The following CAMK4 variants were observed in gnomAD, a reference collection of about 807,000 sequenced individuals.
The protein encoded by CAMK4 is calcium/calmodulin-dependent protein kinase type IV.
CAMK4 carries 22 observed loss-of-function variants against 44.9 expected under a neutral mutation model. That is an observed-to-expected ratio of 0.49 (90% CI 0.35 to 0.70). CAMK4 has a LOEUF of 0.70. Ranked by LOEUF, CAMK4 falls within the 30% of genes least tolerant of loss-of-function variation. The pLI is 0.01. For synonymous variants in CAMK4, 218 were observed against 215.4 expected (o/e 1.01, Z -0.11); for missense variants, 498 against 586.8 (o/e 0.85, Z 1.56).
chr5:111,355,858 T>C (rs1181520326), intron 2 of CAMK4, among the ~76,000 whole-genome samples: 2 of 141,884 alleles, frequency 1.4e-5, no homozygotes, highest in African/African-American at 5.2e-5. Flanking sequence ...CTGCATAGTA[T>C]TCCATGGTGT....
intron 5 of CAMK4, among the ~76,000 whole-genome samples, chr5:111,415,398 T>G (rs977402047): frequency 6.6e-6 from 1 of 152,194 alleles, no homozygotes; most frequent in Non-Finnish European, 1.5e-5. Context: ...GTCCCCAAAG[T>G]ACAAGAGTAG....
intron 2 of CAMK4, chr5:111,365,081 C>G (rs1003481400): frequency 6.6e-6 from 1 of 152,146 alleles, no homozygotes; most frequent in Non-Finnish European, 1.5e-5. Context: ...AGACAGAGTA[C>G]TATCAAGTGC....
chr5:111,280,082 G>A (rs114058786), intron 1 of CAMK4, among the ~76,000 whole-genome samples: 2,358 of 152,230 alleles, frequency 0.015, 30 homozygotes, highest in Non-Finnish European at 0.02. Context: ...AACATTGGAA[G>A]GCAGTTTTCA....
intron 6 of CAMK4, among the ~76,000 whole-genome samples, chr5:111,448,060 T>A (rs1754089894): frequency 6.6e-6 from 1 of 152,244 alleles, no homozygotes; most frequent in Non-Finnish European, 1.5e-5. Flanking sequence ...TGTGGGTTTA[T>A]CTTTGAAGTC....
chr5:111,256,291 G>A (rs1481766169), intron 1 of CAMK4, among the ~76,000 whole-genome samples: 2 of 152,128 alleles, frequency 1.3e-5, no homozygotes, highest in African/African-American at 4.8e-5. Flanking sequence ...GCTATGGTGG[G>A]GTGGAATTGG....
At chr5:111,315,448 C>T (rs1748378687) in intron 1 of CAMK4, among the ~76,000 whole-genome samples, 2 of 152,054 alleles carry the variant, frequency 1.3e-5, no homozygotes, top group South Asian at 4.1e-4. Flanking sequence ...TAGTTTTCAC[C>T]TGGTATTCTG....
intron 5 of CAMK4, among the ~76,000 whole-genome samples, chr5:111,434,863 C>A (rs766715165): frequency 6.6e-6 from 1 of 152,106 alleles, no homozygotes; most frequent in Non-Finnish European, 1.5e-5. Context: ...ATACTGTTTT[C>A]TTTCTGTAAT....
intron 1 of CAMK4, among the ~76,000 whole-genome samples, chr5:111,340,790 A>C (rs1358808476): frequency 2.7e-5 from 4 of 150,840 alleles, no homozygotes; most frequent in African/African-American, 9.7e-5. Flanking sequence ...AGTTTTTTTT[A>C]ATGTTTGGTA....
At chr5:111,274,272 CCTTAA>C (rs1262749746) in intron 1 of CAMK4, among the ~76,000 whole-genome samples, 12 of 152,100 alleles carry the variant, frequency 7.9e-5, no homozygotes, top group East Asian at 7.7e-4. Context: ...CTCTGTTTCC[CCTTAA>C]CTTGTTTTAT....
At chr5:111,426,352 A>G (rs1753225882) in intron 5 of CAMK4, among the ~76,000 whole-genome samples, 1 of 152,228 alleles carries the variant, frequency 6.6e-6, no homozygotes, top group Admixed American at 6.5e-5. Context: ...GATGGGTGAT[A>G]ACAATACAGT....
intron 1 of CAMK4, among the ~76,000 whole-genome samples, chr5:111,276,317 C>T (rs567478274): frequency 1.3e-5 from 2 of 152,292 alleles, no homozygotes; most frequent in South Asian, 4.1e-4. Flanking sequence ...CTGTGGGCCA[C>T]CTCTACTCCT....
chr5:111,472,444 C>T (rs571909331), intron 7 of CAMK4, among the ~76,000 whole-genome samples: 2 of 152,320 alleles, frequency 1.3e-5, no homozygotes, highest in South Asian at 4.1e-4. Flanking sequence ...CTCTATTTCT[C>T]CATAGATGGT....
intron 1 of CAMK4, among the ~76,000 whole-genome samples, chr5:111,330,394 T>G (rs555929139): frequency 2.6e-5 from 4 of 151,744 alleles, no homozygotes; most frequent in Admixed American, 2.0e-4. Flanking sequence ...GGACTCAACA[T>G]TAAGATGTCA....
rs147314166 is a variant in CAMK4, at chr5:111,309,408, C to T, written c.162-34616C>T. On this transcript the variant is annotated intron_variant, in intron 1 of 10. Coordinates refer to ENST00000282356, the MANE Select transcript of CAMK4 (RefSeq NM_001744.6). ...TCAGGTGTCTGGGATCAACACCCCA[C>T]TCCCTCTCAAGGAGCCCTGGCCACT... Among the ~76,000 whole-genome samples the T allele has an allele frequency of 2.2e-4, 34 of 152,262 alleles. No individual in the cohort carries two copies. The East Asian group carries it at 5.8e-3, about 26-fold the overall frequency.
intron 7 of CAMK4, among the ~76,000 whole-genome samples, chr5:111,459,695 T>C (rs1463022235): frequency 3.7e-5 from 5 of 135,344 alleles, no homozygotes; most frequent in African/African-American, 1.1e-4. Context: ...TCTTTTTTTT[T>C]TTTTTTTTTT....
intron 7 of CAMK4, among the ~76,000 whole-genome samples, chr5:111,471,483 A>T (rs904351620): frequency 6.6e-6 from 1 of 152,202 alleles, no homozygotes; most frequent in Admixed American, 6.5e-5. Context: ...ATAAAGCCTC[A>T]GTGATTTCGC....
Position 111,365,936 on chromosome 5 carries a change from G to A in CAMK4, c.241-8914G>A, listed in dbSNP as rs73214491. 1.6e-3 allele frequency among the ~76,000 whole-genome samples: 245 copies of A among 152,184 alleles called. 2 individuals are homozygous for A. The highest frequency in any genetic ancestry group is 5.5e-3 in the African/African-American group (229 of 41,546). On this transcript the variant is annotated intron_variant, in intron 2 of 10. Coordinates refer to ENST00000282356, the MANE Select transcript of CAMK4 (RefSeq NM_001744.6). Reference sequence around the variant, plus strand: ...AGTTCTTAGCTTTCAAATTCTTGTAGACTAAAACTGTCATTCTTGAATTTA... The same window carrying A: ...AGTTCTTAGCTTTCAAATTCTTGTAAACTAAAACTGTCATTCTTGAATTTA...
intron 2 of CAMK4, among the ~76,000 whole-genome samples, chr5:111,356,494 G>A (rs1227295463): frequency 6.6e-6 from 1 of 152,240 alleles, no homozygotes; most frequent in Non-Finnish European, 1.5e-5. Context: ...CTGTGCAGAA[G>A]CTCTTTAGTT....
Position 111,293,469 on chromosome 5 carries a change from C to T in CAMK4, c.162-50555C>T, listed in dbSNP as rs1485811808. On this transcript the variant is annotated intron_variant, in intron 1 of 10. Coordinates refer to ENST00000282356, the MANE Select transcript of CAMK4 (RefSeq NM_001744.6). ...TGAGATGGAGTCTCATCCTGTTGCC[C>T]AGGCTGGAGTGCAATGGCGTGATCT... is the stretch of plus-strand genomic sequence containing the variant. 2.0e-5 allele frequency among the ~76,000 whole-genome samples: 3 copies of T among 151,852 alleles called. No individual in the cohort carries two copies. In the East Asian group the frequency reaches 5.8e-4, roughly 29 times the overall value.
Sources: gnomAD v4.1 joint callset for allele counts (sites outside exome capture counted in the v4.1 genomes callset) on GRCh38, gnomAD v4.1.1 for gene constraint, MANE v1.5 for transcripts, NCBI Gene and HGNC (gene_info 2026-07-23, HGNC 2026-07-21) for gene names.